Variants in GALNT18 observed in about 807,000 individuals in gnomAD.
The protein encoded by GALNT18 is polypeptide N-acetylgalactosaminyltransferase 18.
GALNT18 carries 44 observed loss-of-function variants against 69.5 expected under a neutral mutation model. That is an observed-to-expected ratio of 0.63 (90% CI 0.50 to 0.81). The LOEUF is 0.81. Among genes scored for constraint, GALNT18 ranks in the 40% least tolerant of loss-of-function variants. The pLI, the probability that GALNT18 is intolerant of heterozygous loss-of-function variation, is 0.00. For synonymous variants in GALNT18, 364 were observed against 318.2 expected (o/e 1.14, Z -1.53); for missense variants, 715 against 810.0 (o/e 0.88, Z 1.42).
intron 5 of GALNT18, among the ~76,000 whole-genome samples, chr11:11,374,273 T>C (rs1850984859): frequency 6.6e-6 from 1 of 152,120 alleles, no homozygotes; most frequent in Non-Finnish European, 1.5e-5. Context: ...TTCCCTAGCC[T>C]CTCTGAGCCT....
chr11:11,388,351 A>G (rs1371967461), intron 3 of GALNT18, among the ~76,000 whole-genome samples: 3 of 152,172 alleles, frequency 2.0e-5, no homozygotes, highest in African/African-American at 4.8e-5. Context: ...AAGATGTTAT[A>G]TCTTGTAAAA....
chr11:11,527,990 G>A (rs979295420), intron 1 of GALNT18, among the ~76,000 whole-genome samples: 3 of 152,186 alleles, frequency 2.0e-5, no homozygotes, highest in African/African-American at 7.2e-5. Context: ...CACTTAGCAT[G>A]GGTTATCTTA....
chr11:11,335,468 C>T (rs1850096119), intron 7 of GALNT18, among the ~76,000 whole-genome samples: 1 of 152,180 alleles, frequency 6.6e-6, no homozygotes, highest in South Asian at 2.1e-4. Context: ...AGAAGGTCAC[C>T]TTGGCCCTTA....
At chr11:11,369,196 T>C (rs1226174780) in intron 6 of GALNT18, among the ~76,000 whole-genome samples, 1 of 152,182 alleles carries the variant, frequency 6.6e-6, no homozygotes, top group Non-Finnish European at 1.5e-5. Flanking sequence ...CCCGGGCCTC[T>C]TATAACAAAG....
At chr11:11,398,912 G>A (rs1325571411) in intron 3 of GALNT18, among the ~76,000 whole-genome samples, 1 of 152,166 alleles carries the variant, frequency 6.6e-6, no homozygotes, top group Non-Finnish European at 1.5e-5. Context: ...AGAAGCTGAA[G>A]GAAGCCTCTG....
intron 1 of GALNT18, among the ~76,000 whole-genome samples, chr11:11,552,388 GCCTTTACCTTCTCAAAAA>G (rs1565008187): frequency 2.6e-5 from 4 of 152,212 alleles, no homozygotes; most frequent in Admixed American, 1.3e-4. Flanking sequence ...TTATCTTTGA[GCCTTTACCTTCTCAAAAA>G]GACCAAGAGC....
intron 6 of GALNT18, among the ~76,000 whole-genome samples, chr11:11,370,483 T>G (rs980894014): frequency 2.0e-5 from 3 of 152,170 alleles, no homozygotes; most frequent in Non-Finnish European, 1.5e-5. Context: ...CCATTTGTAC[T>G]TAGTTTTGCA....
rs115088661 is a variant in GALNT18 at position 11,603,923 on chromosome 11, T to C, written c.235+17436A>G. Among the ~76,000 whole-genome samples, 2,135 of 152,248 alleles carry C rather than the reference T, an allele frequency of 0.014. 56 individuals carry two copies. The highest frequency in any genetic ancestry group is 0.049 in the African/African-American group (2,045 of 41,546). ...GTTGAAATCCTAACCCCTAAGTTGA[T>C]GGAATTAGGAGGTAGGGCCTTTGGG... On this transcript the variant is annotated intron_variant, in intron 1 of 10. Transcript: ENST00000227756. This position sits in a 1 kb window ranked among gnomAD's most constrained non-coding sequence, Gnocchi z 4.5.
rs1447089007 is a variant in GALNT18 at position 11,496,016 on chromosome 11, A to G, written c.236-47080T>C. On this transcript the variant is annotated intron_variant, in intron 1 of 10. Transcript: ENST00000227756. This position sits in a 1 kb window ranked among gnomAD's most constrained non-coding sequence, Gnocchi z 4.0. ...ATCCTAATCCTAAAACATATGTGCTATCAGCATCCCTGTTACATGACTAAA... is the reference window on the plus strand; with the variant it reads ...ATCCTAATCCTAAAACATATGTGCTGTCAGCATCCCTGTTACATGACTAAA... Among the ~76,000 whole-genome samples, 1 of 152,228 alleles carries G rather than the reference A, an allele frequency of 6.6e-6. No individual in the cohort carries two copies. The highest frequency in any genetic ancestry group is 1.5e-5 in the Non-Finnish European group (1 of 68,040).
At chr11:11,446,068 T>G (rs1305413836) in intron 2 of GALNT18, among the ~76,000 whole-genome samples, 1 of 152,202 alleles carries the variant, frequency 6.6e-6, no homozygotes, top group Non-Finnish European at 1.5e-5. Flanking sequence ...TGGGCCGATG[T>G]CAAAGCCACG....
intron 1 of GALNT18, among the ~76,000 whole-genome samples, chr11:11,536,322 G>T (rs543803627): frequency 3.3e-5 from 5 of 152,182 alleles, no homozygotes; most frequent in Admixed American, 1.3e-4. Context: ...GGACTGGTTA[G>T]CAAACGAAGT....
intron 6 of GALNT18, among the ~76,000 whole-genome samples, chr11:11,355,136 TA>T (rs1850502295): frequency 6.6e-6 from 1 of 152,216 alleles, no homozygotes; most frequent in South Asian, 2.1e-4. Context: ...ATCCACTTTT[TA>T]AAATTATACA....
At chr11:11,288,851 T>TA (rs149457750) in intron 10 of GALNT18, among the ~76,000 whole-genome samples, 7,274 of 152,232 alleles carry the variant, frequency 0.048, 515 homozygotes, top group African/African-American at 0.15. Context: ...AATGCCTATC[T>TA]ATCTTCTTGG....
At chr11:11,520,862 A>G (rs4264144) in intron 1 of GALNT18, among the ~76,000 whole-genome samples, 31,423 of 152,140 alleles carry the variant, frequency 0.21, 3,824 homozygotes, top group Non-Finnish European at 0.25. Context: ...CCCCATAGGC[A>G]GCTGAGGCTT....
intron 3 of GALNT18, among the ~76,000 whole-genome samples, chr11:11,411,181 G>T (rs547144202): frequency 2.6e-5 from 4 of 152,296 alleles, no homozygotes; most frequent in Admixed American, 1.3e-4. Flanking sequence ...GGGTGTGGTG[G>T]TGCATGCCTG....
chr11:11,302,154 C>A (rs4326786), intron 9 of GALNT18, among the ~76,000 whole-genome samples: 76,048 of 151,584 alleles, frequency 0.5, 19,106 homozygotes, highest in Middle Eastern at 0.58. Flanking sequence ...CCCGCTGGTC[C>A]CCAGGGAGCT....
chr11:11,494,859 G>C lies in GALNT18; in HGVS notation c.236-45923C>G, dbSNP rs1290090062. Among the ~76,000 whole-genome samples, 1 of 152,140 alleles carries C rather than the reference G, an allele frequency of 6.6e-6. No individual in the cohort carries two copies. Among genetic ancestry groups the C allele is most frequent in the African/African-American group, 2.4e-5 (1 of 41,426 alleles). ...ATTTTAATCTTACAACTCCAACCAT[G>C]ATCATCTGGGAGTGTTGCAAATCAG... On this transcript the variant is annotated intron_variant, in intron 1 of 10. Transcript: ENST00000227756. The surrounding 1 kb of genome is among the most constrained non-coding windows in gnomAD (Gnocchi z 5.7).
At chr11:11,305,466 T>G in intron 9 of GALNT18, among the ~76,000 whole-genome samples, 1 of 152,078 alleles carries the variant, frequency 6.6e-6, no homozygotes, top group East Asian at 1.9e-4. Context: ...TACAAGAAAC[T>G]TTGAACATAT....
intron 1 of GALNT18, among the ~76,000 whole-genome samples, chr11:11,547,434 G>T (rs75309626): frequency 1.5e-3 from 230 of 152,360 alleles, no homozygotes; most frequent in South Asian, 2.7e-3. Flanking sequence ...GGCACTCGGG[G>T]TGGCTTTCTT....
Sources: allele counts gnomAD v4.1 joint callset (sites outside exome capture counted in the v4.1 genomes callset), GRCh38; gene constraint gnomAD v4.1.1; non-coding constraint Gnocchi (gnomAD v3.1); transcripts MANE v1.5; gene names NCBI Gene and HGNC (gene_info 2026-07-23, HGNC 2026-07-21).